ZCCHC4: variants seen among roughly 807,000 people sequenced by gnomAD.
The protein encoded by ZCCHC4 is zinc finger CCHC-type containing 4, also known as rRNA N(6)-adenosine-methyltransferase ZCCHC4.
In ZCCHC4, 54 loss-of-function variants were observed where a neutral mutation model predicts 67.7. That is an observed-to-expected ratio of 0.80 (90% CI 0.64 to 1.00). ZCCHC4 has a LOEUF of 1.00. Among genes scored for constraint, ZCCHC4 ranks in the 50% least tolerant of loss-of-function variants. The pLI is 0.00. For synonymous variants in ZCCHC4, 198 were observed against 213.5 expected, an observed-to-expected ratio of 0.93 and a Z score of 0.63; for missense variants, 609 against 617.0, an observed-to-expected ratio of 0.99 and a Z score of 0.14.
At position 25,327,394 on chromosome 4, in the gene ZCCHC4, CTCCCTCCTTCCCTCCTTCCCTCCT is replaced by C. The variant is rs796441070; in HGVS notation, c.330-5769_330-5746del. ...TTTGAGAATCTCCCTCCCTCCCTCC[CTCCCTCCTTCCCTCCTTCCCTCCT>C]TCCCTCCTTCCCTCCTTCCTTCCGT... On this transcript the variant is annotated intron_variant, in intron 3 of 12. Transcript: ENST00000302874. Among the ~76,000 whole-genome samples, 690 of 139,688 alleles carry C rather than the reference CTCCCTCCTTCCCTCCTTCCCTCCT, an allele frequency of 4.9e-3. 7 individuals are homozygous for C. Among genetic ancestry groups the C allele is most frequent in the Middle Eastern group, 0.029 (8 of 278 alleles). 91.6% of individuals were successfully genotyped at this position (139,688 alleles called of 152,430 possible).
At position 25,349,172 on chromosome 4, in the gene ZCCHC4, A is replaced by G. The variant is rs536026960; in HGVS notation, c.760-320A>G. ...TGTTAAATTGAATTTAACATTTTAG[A>G]TAGTTTTCATGGGTAATGAGTTTCT... On this transcript the variant is annotated intron_variant, in intron 6 of 12. Transcript: ENST00000302874. 1.3e-4 allele frequency among the ~76,000 whole-genome samples: 20 copies of G among 152,286 alleles called. 1 individual carries two copies. The highest frequency in any genetic ancestry group is 4.8e-4 in the African/African-American group (20 of 41,554).
At chr4:25,319,798 T>G (rs1463887200) in intron 3 of ZCCHC4, among the ~76,000 whole-genome samples, 1 of 152,088 alleles carries the variant, frequency 6.6e-6, no homozygotes, top group African/African-American at 2.4e-5. Context: ...TTTTCTAATG[T>G]GGATAATTTA....
intron 10 of ZCCHC4, among the ~76,000 whole-genome samples, chr4:25,363,746 A>G (rs963421422): frequency 2.0e-5 from 3 of 152,224 alleles, no homozygotes; most frequent in African/African-American, 7.2e-5. Context: ...CCCAGACTGT[A>G]TAGTTTAAAG....
chr4:25,314,599 T>A (rs973565921), intron 2 of ZCCHC4, among the ~76,000 whole-genome samples: 1 of 152,186 alleles, frequency 6.6e-6, no homozygotes, highest in Non-Finnish European at 1.5e-5. Flanking sequence ...TTTCTTTATA[T>A]CCTCATTTCC....
At position 25,333,777 on chromosome 4, in the gene ZCCHC4, C is replaced by G. The variant is rs549078681; in HGVS notation, c.606-131C>G. 3.1e-4 allele frequency: 224 copies of G among 717,702 alleles called. No homozygotes were observed. In the African/African-American group the frequency reaches 3.7e-3, roughly 12 times the overall value. The allele number at this position is 717,702 out of a possible 1,614,324, so 44.5% of individuals were successfully genotyped here. ...AAAATTGAAACCTTGATTATACCTG[C>G]CAAATTCTCTTCAGTGTTTCATTGA... On this transcript the variant is annotated intron_variant, in intron 4 of 12. Transcript: ENST00000302874.
At chr4:25,354,640 T>C (rs1560414226) in intron 8 of ZCCHC4, among the ~76,000 whole-genome samples, 1 of 152,136 alleles carries the variant, frequency 6.6e-6, no homozygotes, top group Non-Finnish European at 1.5e-5. Flanking sequence ...TTCCTCTTTT[T>C]CTTTTGTTAC....
In ZCCHC4 at chr4:25,365,149, A is replaced by G; in HGVS notation, c.1389A>G (p.Thr463=). The change falls in exon 12 of 13, where the codon ACA becomes ACG. Residue 463 remains threonine, a synonymous_variant. Coordinates refer to ENST00000302874, the MANE Select transcript of ZCCHC4 (RefSeq NM_024936.3). The stretch of plus-strand genomic sequence containing the variant: ...GCAGTACTTGTCCTAACATTGCTAC[A>G]TCTAAGAGAGCTAACAAGTCAGTCG... ...HKRSTCPNIA[T]SKRANKAVRK... is the part of the protein sequence containing the mutation. The G allele has an allele frequency of 6.2e-7, 1 of 1,614,082 alleles. No individual in the cohort carries two copies. The highest frequency in any genetic ancestry group is 8.5e-7 in the Non-Finnish European group (1 of 1,179,990).
intron 12 of ZCCHC4, among the ~76,000 whole-genome samples, chr4:25,368,500 C>T (rs751078278): frequency 6.6e-6 from 1 of 152,124 alleles, no homozygotes; most frequent in Non-Finnish European, 1.5e-5. Flanking sequence ...GCTGATAACC[C>T]TGCGTGGCAC....
At chr4:25,341,004 C>T (rs1719732805) in intron 5 of ZCCHC4, among the ~76,000 whole-genome samples, 1 of 151,930 alleles carries the variant, frequency 6.6e-6, no homozygotes, top group Admixed American at 6.6e-5. Context: ...AATATCGTCT[C>T]TTCCTTATGA....
In ZCCHC4 at chr4:25,365,539, C is replaced by G. The variant is rs538934433; in HGVS notation, c.1406+373C>G. 2.4e-5 allele frequency: 24 copies of G among 993,796 alleles called. No individual in the cohort carries two copies. In the African/African-American group the frequency reaches 3.8e-4, roughly 16 times the overall value. The allele number at this position is 993,796 out of a possible 1,614,324, so 61.6% of individuals were successfully genotyped here. A position where few individuals can be genotyped will look rare whatever the true frequency, so the allele number is the denominator to read the frequency against. On this transcript the variant is annotated intron_variant, in intron 12 of 12. Transcript: ENST00000302874. The stretch of plus-strand genomic sequence containing the variant: ...CAGATCAGATATAGACACATGATGG[C>G]AGGAAAGGCTGGAGAAGGCATTTCA...
At chr4:25,331,921 CTG>C (rs1719201649) in intron 3 of ZCCHC4, among the ~76,000 whole-genome samples, 1 of 152,202 alleles carries the variant, frequency 6.6e-6, no homozygotes, top group South Asian at 2.1e-4. Flanking sequence ...TGAAGTGAAA[CTG>C]TGCTTAGATA....
rs1267023230 is a variant in ZCCHC4 at position 25,369,204 on chromosome 4, A to G, written c.*40A>G. On this transcript the variant is annotated 3_prime_UTR_variant, in exon 13 of 13. Transcript: ENST00000302874. ...GAGAATAAGAAAGATTTATGGTCCA[A>G]CCTTTGATGCCATTTTCTGAAAGTG... The G allele has an allele frequency of 3.7e-6, 6 of 1,601,032 alleles. No individual in the cohort carries two copies. Among genetic ancestry groups the G allele is most frequent in the East Asian group, 2.2e-5 (1 of 44,800 alleles).
chr4:25,322,978 A>G (rs1718663907), intron 3 of ZCCHC4, among the ~76,000 whole-genome samples: 1 of 152,242 alleles, frequency 6.6e-6, no homozygotes, highest in Non-Finnish European at 1.5e-5. Flanking sequence ...CTTCCCCAGT[A>G]GCAACTCTAG....
At chr4:25,334,914 T>C (rs551396957) in intron 5 of ZCCHC4, among the ~76,000 whole-genome samples, 2 of 152,042 alleles carry the variant, frequency 1.3e-5, no homozygotes, top group East Asian at 3.9e-4. Flanking sequence ...CATAGCCCAC[T>C]GTACCCTCAA....
At chr4:25,351,508 AT>A in intron 7 of ZCCHC4, 80 bp from the exon 8 acceptor site, 1 of 869,376 alleles carries the variant, frequency 1.2e-6, no homozygotes, top group Non-Finnish European at 1.8e-6. Context: ...GCAATTTCTT[AT>A]GCTAGCGGAA....
At position 25,315,381 on chromosome 4, in the gene ZCCHC4, C is replaced by T. The variant is rs201478693; in HGVS notation, c.310C>T (p.Arg104Ter). The change falls in exon 3 of 13, where the codon CGA (arginine) becomes TGA (stop). Residue 104 changes from arginine to a stop codon, truncating the protein, a stop_gained. Transcript: ENST00000302874. LOFTEE classifies it high-confidence loss of function. The stretch of plus-strand genomic sequence containing the variant: ...CCGAAGATGTCAGCCTCCCCTGTCC[C>T]GAACGCAGTGTGTGGAAAGGTACTG... ...HNRRCQPPLSRTQCVERYLKF... is the reference protein window; with the variant it reads ...HNRRCQPPLS The T allele has an allele frequency of 4.1e-5, 66 of 1,612,472 alleles. No homozygotes were observed. The highest frequency in any genetic ancestry group is 3.8e-5 in the Non-Finnish European group (45 of 1,179,196).
Position 25,369,653 on chromosome 4 carries a change from C to T in ZCCHC4, c.*489C>T, listed in dbSNP as rs533040770. ...TTCACCATGTTGGCCAGGCTGGTCT[C>T]GAACTCCTGGCCTCAAGTGATTTGC... is the stretch of plus-strand genomic sequence containing the variant. On this transcript the variant is annotated 3_prime_UTR_variant, in exon 13 of 13. Transcript: ENST00000302874. The T allele has an allele frequency of 5.6e-4, 86 of 153,934 alleles. No individual in the cohort carries two copies. Among genetic ancestry groups the T allele is most frequent in the African/African-American group, 1.9e-3 (80 of 41,572 alleles). 9.5% of individuals were successfully genotyped at this position (153,934 alleles called of 1,614,324 possible).
intron 5 of ZCCHC4, among the ~76,000 whole-genome samples, 168 bp downstream of exon 5, chr4:25,334,156 T>C (rs1577738880): frequency 6.6e-6 from 1 of 152,224 alleles, no homozygotes; most frequent in African/African-American, 2.4e-5. Flanking sequence ...GTAATCTGTA[T>C]TTCAAACAGG....
intron 3 of ZCCHC4, among the ~76,000 whole-genome samples, chr4:25,325,454 G>C (rs1376656104): frequency 6.6e-6 from 1 of 151,734 alleles, no homozygotes; most frequent in East Asian, 2.0e-4. Flanking sequence ...AGTAGAGATG[G>C]TGTTTCACCA....
Sources: gnomAD v4.1 joint callset for allele counts (sites outside exome capture counted in the v4.1 genomes callset) on GRCh38, gnomAD v4.1.1 for gene constraint, MANE v1.5 for transcripts, NCBI Gene and HGNC (gene_info 2026-07-23, HGNC 2026-07-21) for gene names.